BMP5: variants seen among roughly 807,000 people sequenced by gnomAD.
BMP5 encodes bone morphogenetic protein 5.
Under a neutral mutation model 46.6 loss-of-function variants are expected in BMP5, and 23 were observed. That is an observed-to-expected ratio of 0.49 (90% CI 0.35 to 0.70). The LOEUF (loss-of-function observed/expected upper bound fraction) is 0.70, where lower values mean the gene tolerates loss of function less well. BMP5 is among the 30% of genes least tolerant of loss of function. The pLI, the probability that BMP5 is intolerant of heterozygous loss-of-function variation, is 0.00. For synonymous variants in BMP5, 204 were observed against 191.9 expected (o/e 1.06, Z -0.52); for missense variants, 545 against 565.6 (o/e 0.96, Z 0.37).
chr6:55,831,248 A>G (rs1026355650), intron 1 of BMP5, among the ~76,000 whole-genome samples: 5 of 152,188 alleles, frequency 3.3e-5, no homozygotes, highest in Non-Finnish European at 7.3e-5. Context: ...TAAAGGGAAA[A>G]TAATACTGAC....
intron 4 of BMP5, among the ~76,000 whole-genome samples, chr6:55,762,902 A>T (rs1774821602): frequency 6.6e-6 from 1 of 152,092 alleles, no homozygotes; most frequent in Non-Finnish European, 1.5e-5. Flanking sequence ...AAGCAACCGT[A>T]GACAATACGT....
At chr6:55,807,189 T>C (rs1486171254) in intron 2 of BMP5, among the ~76,000 whole-genome samples, 1 of 152,224 alleles carries the variant, frequency 6.6e-6, no homozygotes, top group Non-Finnish European at 1.5e-5. Context: ...CCATTCAGTA[T>C]GAATTGGCTG....
intron 3 of BMP5, among the ~76,000 whole-genome samples, chr6:55,783,178 G>A (rs575764360): frequency 1.6e-4 from 25 of 152,040 alleles, no homozygotes; most frequent in Non-Finnish European, 3.1e-4. Flanking sequence ...AAGAAGGCAG[G>A]TGGCTTCCCC....
rs962722422 is a variant in BMP5 at position 55,773,955 on chromosome 6, T to G, written c.1027+94A>C. ...GAAGATTTAATGTACCATCCGAAGG[T>G]ATACATAGAGGGTAAATTTATTGTG... On this transcript the variant is annotated intron_variant, in intron 4 of 6. Coordinates refer to ENST00000370830, the MANE Select transcript of BMP5 (RefSeq NM_021073.4). 30 of 1,334,850 alleles carry G rather than the reference T, an allele frequency of 2.2e-5. No individual in the cohort carries two copies. In the African/African-American group the frequency reaches 3.5e-4, roughly 15 times the overall value. The allele number at this position is 1,334,850 out of a possible 1,614,324, so 82.7% of individuals were successfully genotyped here.
chr6:55,767,345 A>C (rs1349830122), intron 4 of BMP5, among the ~76,000 whole-genome samples: 1 of 152,008 alleles, frequency 6.6e-6, no homozygotes, highest in East Asian at 1.9e-4. Context: ...TATAATGTTC[A>C]ACACTTAATG....
At chr6:55,829,289 A>G (rs1010234776) in intron 1 of BMP5, among the ~76,000 whole-genome samples, 1 of 151,954 alleles carries the variant, frequency 6.6e-6, no homozygotes, top group Middle Eastern at 3.4e-3. Flanking sequence ...CCTAGCACAC[A>G]GCAGGTATTC....
chr6:55,765,014 C>T (rs914891251), intron 4 of BMP5, among the ~76,000 whole-genome samples: 17 of 151,852 alleles, frequency 1.1e-4, no homozygotes, highest in Non-Finnish European at 1.0e-4. Context: ...TCTTAATTAC[C>T]CTGATTTGAT....
intron 1 of BMP5, among the ~76,000 whole-genome samples, chr6:55,870,090 G>A (rs1016702728): frequency 1.3e-5 from 2 of 151,464 alleles, no homozygotes; most frequent in African/African-American, 4.9e-5. Context: ...ATGGAAGAAT[G>A]AAAGGGAAGG....
intron 2 of BMP5, among the ~76,000 whole-genome samples, chr6:55,807,920 C>T (rs1344199039): frequency 6.6e-6 from 1 of 152,178 alleles, no homozygotes; most frequent in Non-Finnish European, 1.5e-5. Flanking sequence ...TATAGGGTGT[C>T]TGATGATCCC....
chr6:55,795,401 CATATT>C (rs1456058344), intron 2 of BMP5, among the ~76,000 whole-genome samples: 1 of 151,788 alleles, frequency 6.6e-6, no homozygotes, highest in Non-Finnish European at 1.5e-5. Flanking sequence ...TATTTAAGAG[CATATT>C]ATTTATATAG....
chr6:55,866,419 A>G (rs1777641102), intron 1 of BMP5, among the ~76,000 whole-genome samples: 1 of 152,204 alleles, frequency 6.6e-6, no homozygotes, highest in Non-Finnish European at 1.5e-5. Context: ...ACCTCATTCT[A>G]ACATTATTTA....
chr6:55,770,832 G>A (rs1278982822), intron 4 of BMP5, among the ~76,000 whole-genome samples: 2 of 151,894 alleles, frequency 1.3e-5, no homozygotes, highest in African/African-American at 2.4e-5. Context: ...AGAAGGGAAA[G>A]AGATGGGGTA....
intron 1 of BMP5, among the ~76,000 whole-genome samples, chr6:55,828,433 C>T (rs1374551): frequency 0.51 from 77,687 of 151,520 alleles, 22,342 homozygotes; most frequent in African/African-American, 0.79. Flanking sequence ...TCCCCTTTAA[C>T]AGCTCTTAGC....
chr6:55,774,120 T>C lies in BMP5; in HGVS notation c.956A>G (p.Asn319Ser), dbSNP rs144630424. 1.5e-3 allele frequency: 2,483 copies of C among 1,613,170 alleles called. 3 individuals are homozygous for C. Among genetic ancestry groups the C allele is most frequent in the Non-Finnish European group, 1.9e-3 (2,281 of 1,179,464 alleles). Reference sequence around the variant, plus strand: ...ATTGCGGTTTTGATTTTTTCGTTTGTTGGCTGCTCTCACGGATCGAAGAAG... The same window carrying C: ...ATTGCGGTTTTGATTTTTTCGTTTGCTGGCTGCTCTCACGGATCGAAGAAG... The part of the protein sequence containing the change: ...EVLLRSVRAA[N>S]KRKNQNRNKS... The change falls in exon 4 of 7, where the codon AAC becomes AGC. Residue 319 changes from asparagine (N) to serine (S), a missense_variant. By Grantham distance (46) the Asn-to-Ser change is conservative. Transcript: ENST00000370830.
At chr6:55,783,586 A>C (rs929551920) in intron 3 of BMP5, among the ~76,000 whole-genome samples, 1 of 151,984 alleles carries the variant, frequency 6.6e-6, no homozygotes, top group African/African-American at 2.4e-5. Flanking sequence ...AGATATGTCA[A>C]CAATAAGTTA....
rs777556185 is a variant in BMP5 at position 55,774,231 on chromosome 6, T to C, written c.845A>G (p.Asn282Ser). The C allele has an allele frequency of 1.9e-6, 3 of 1,612,874 alleles. No homozygotes were observed. Among genetic ancestry groups the C allele is most frequent in the Non-Finnish European group, 1.7e-6 (2 of 1,179,230 alleles). ...CAETGDGRSINVKSAGLVGRQ... is the reference protein window; with the variant it reads ...CAETGDGRSISVKSAGLVGRQ... Reference sequence around the variant, plus strand: ...TCCCACAAGACCAGCAGATTTTACGTTGATACTGCGTCCTAGAACGTAATA... The same window carrying C: ...TCCCACAAGACCAGCAGATTTTACGCTGATACTGCGTCCTAGAACGTAATA... Residue 282 changes from asparagine (N) to serine (S), a missense_variant, in exon 4 of 7, where the codon AAC becomes AGC. Transcript: ENST00000370830.
At chr6:55,784,487 T>C (rs1287732677) in intron 3 of BMP5, among the ~76,000 whole-genome samples, 3 of 151,796 alleles carry the variant, frequency 2.0e-5, no homozygotes, top group South Asian at 4.2e-4. Flanking sequence ...CAAGACTAAA[T>C]TAAGAAGAGG....
chr6:55,807,113 A>C (rs1339961531), intron 2 of BMP5, among the ~76,000 whole-genome samples: 1 of 152,194 alleles, frequency 6.6e-6, no homozygotes, highest in East Asian at 1.9e-4. Context: ...TATGTTGAAT[A>C]GGAATGGTGA....
chr6:55,784,221 G>A (rs922732153), intron 3 of BMP5, among the ~76,000 whole-genome samples: 15 of 151,912 alleles, frequency 9.9e-5, no homozygotes, highest in African/African-American at 3.6e-4. Flanking sequence ...GAAGAGAACT[G>A]TCGTTTCTTA....
Sources: allele counts gnomAD v4.1 joint callset (sites outside exome capture counted in the v4.1 genomes callset), GRCh38; gene constraint gnomAD v4.1.1; transcripts MANE v1.5; gene names NCBI Gene and HGNC (gene_info 2026-07-23, HGNC 2026-07-21).